Variants in NDRG4 observed in about 807,000 individuals in gnomAD.
NDRG4 encodes the protein protein NDRG4.
Under a neutral mutation model 55.8 loss-of-function variants are expected in NDRG4, and 38 were observed. That is an observed-to-expected ratio of 0.68 (90% confidence interval 0.53 to 0.89). The LOEUF is 0.89. Ranked by LOEUF, NDRG4 falls within the 40% of genes least tolerant of loss-of-function variation. The pLI is 0.00. For synonymous variants in NDRG4, 190 were observed against 182.7 expected (o/e 1.04, Z -0.32); for missense variants, 455 against 468.6 (o/e 0.97, Z 0.27).
At chr16:58,514,327 A>C (rs2039053169), downstream of NDRG4, among the ~76,000 whole-genome samples, 1 of 152,226 alleles carries the variant, frequency 6.6e-6, no homozygotes, top group Non-Finnish European at 1.5e-5. Context: ...AATTATTTAA[A>C]AGCTTAATAT....
intron 1 of NDRG4, among the ~76,000 whole-genome samples, chr16:58,479,695 G>C (rs2034158536): frequency 6.6e-6 from 1 of 152,166 alleles, no homozygotes; most frequent in Non-Finnish European, 1.5e-5. Context: ...CAGAAATGTT[G>C]AGTGTCTGCC....
At chr16:58,486,115 G>A (rs2151668765) in intron 1 of NDRG4, among the ~76,000 whole-genome samples, 1 of 152,310 alleles carries the variant, frequency 6.6e-6, no homozygotes, top group Middle Eastern at 3.4e-3. Context: ...ACCTTCGCTA[G>A]CGGTGTAAAC....
At chr16:58,468,349 G>A (rs1010259363) in intron 1 of NDRG4, among the ~76,000 whole-genome samples, 2 of 152,228 alleles carry the variant, frequency 1.3e-5, no homozygotes, top group Non-Finnish European at 2.9e-5. Flanking sequence ...GGTCTCCCCT[G>A]TGCTTCTCAG....
rs1452909903 is a variant in NDRG4 at position 58,509,143 on chromosome 16, C to T, written c.778-11C>T. The T allele has an allele frequency of 1.2e-6, 2 of 1,613,920 alleles. No homozygotes were observed. Among genetic ancestry groups the T allele is most frequent in the East Asian group, 2.2e-5 (1 of 44,888 alleles). ...GGCCCTGCTCAGGTCACCCCACTCT[C>T]TCCCTTGCAGATGGCAGACTCTGGA... On this transcript the variant is annotated splice_polypyrimidine_tract_variant and intron_variant, in intron 11 of 14. Transcript: ENST00000570248.
Position 58,502,018 on chromosome 16 carries a change from G to A in NDRG4, c.21+1749G>A, listed in dbSNP as rs1215569989. The A allele has an allele frequency of 6.6e-6, 3 of 455,870 alleles. No individual in the cohort carries two copies. The Admixed American group carries it at 7.1e-5, about 11-fold the overall frequency. The allele number at this position is 455,870 out of a possible 1,614,324, so 28.2% of individuals were successfully genotyped here. A position where few individuals can be genotyped will look rare whatever the true frequency, so the allele number is the denominator to read the frequency against. On this transcript the variant is annotated intron_variant, in intron 1 of 14. Transcript: ENST00000570248. ...AGAACTCACAGGTGGCTGTGAAAGG[G>A]CTGCCTGGTCAGGAGCTCCCTCGGG...
At position 58,504,461 on chromosome 16, in the gene NDRG4, G is replaced by C. The variant is rs1468082618; in HGVS notation, c.311+40G>C. The C allele has an allele frequency of 3.7e-6, 6 of 1,611,494 alleles. No homozygotes were observed. In the South Asian group the frequency reaches 6.6e-5, roughly 18 times the overall value. ...AGCCCCTGCGCTAGGGCCCAGGGGT[G>C]CCTACCCCAACTGCAGAGCCACCTG... On this transcript the variant is annotated intron_variant, in intron 4 of 14. Transcript: ENST00000570248.
intron 1 of NDRG4, among the ~76,000 whole-genome samples, chr16:58,469,139 T>A (rs1168754726): frequency 6.6e-6 from 1 of 152,176 alleles, no homozygotes; most frequent in Non-Finnish European, 1.5e-5. Context: ...ATTTTATAGA[T>A]GATTTTAGTG....
rs764603047 is a variant in NDRG4, at chr16:58,487,077, G to A, written c.-23-679G>A. On this transcript the variant is annotated intron_variant, in intron 1 of 15. Transcript: ENST00000258187. The stretch of plus-strand genomic sequence containing the variant: ...TCCCCTTCAGACACCAGAGGCCCTC[G>A]GCAGGGGACTTCTGTCTGCGTCTGA... 5.9e-5 allele frequency among the ~76,000 whole-genome samples: 9 copies of A among 152,016 alleles called. No homozygotes were observed. In the South Asian group the frequency reaches 6.2e-4, roughly 11 times the overall value.
downstream of NDRG4, among the ~76,000 whole-genome samples, chr16:58,514,249 A>G (rs1330870207): frequency 6.6e-6 from 1 of 152,226 alleles, no homozygotes; most frequent in Non-Finnish European, 1.5e-5. Context: ...GGAGCCTCAC[A>G]AGATTACTCC....
At position 58,464,398 on chromosome 16, in the gene NDRG4, G is replaced by A; in HGVS notation, c.-24+601G>A. On this transcript the variant is annotated intron_variant, in intron 1 of 15. Coordinates refer to the NDRG4 transcript ENST00000258187. This position sits in a 1 kb window ranked among gnomAD's most constrained non-coding sequence, Gnocchi z 4.8. ...CGGCCGAGCGCGCTGCCCCGACGCC[G>A]CCACCCAGAGCCGGGCCGCGCCGGG... The A allele has an allele frequency of 2.9e-6, 4 of 1,366,814 alleles. No individual in the cohort carries two copies. The highest frequency in any genetic ancestry group is 2.8e-6 in the Non-Finnish European group (3 of 1,063,278). 84.7% of individuals were successfully genotyped at this position (1,366,814 alleles called of 1,614,324 possible).
chr16:58,501,197 G>A (rs1472354744), intron 1 of NDRG4: 7 of 571,372 alleles, frequency 1.2e-5, no homozygotes, highest in Non-Finnish European at 1.8e-5. Context: ...CACGCACGGA[G>A]GTGACGACGT....
rs748543999 is a variant in NDRG4, at chr16:58,508,942, A to G, written c.730-20A>G. The G allele has an allele frequency of 1.9e-6, 3 of 1,612,948 alleles. No individual in the cohort carries two copies. The South Asian group carries it at 3.3e-5, about 18-fold the overall frequency. Reference sequence around the variant, plus strand: ...GGGGAGGGGCAGGGGCTGTTGCTGAAGCTGGCTCCTTGTCCTCAGGTGGAG... The same window carrying G: ...GGGGAGGGGCAGGGGCTGTTGCTGAGGCTGGCTCCTTGTCCTCAGGTGGAG... On this transcript the variant is annotated intron_variant, in intron 10 of 14. Transcript: ENST00000570248.
intron 7 of NDRG4, 88 bp from the exon 8 acceptor site, chr16:58,506,824 C>T (rs1158505447): frequency 7.4e-7 from 1 of 1,351,240 alleles, no homozygotes; most frequent in African/African-American, 1.4e-5. Flanking sequence ...GCAAGGGCCA[C>T]TCTGGCAGTG....
intron 1 of NDRG4, chr16:58,500,616 C>T: frequency 1.9e-6 from 1 of 518,972 alleles, no homozygotes; most frequent in South Asian, 2.5e-5. Context: ...CTGCATGTCC[C>T]TCTGACCGTG....
In NDRG4 at chr16:58,500,913, G is replaced by A. The variant is rs113944613; in HGVS notation, c.21+644G>A. 47 of 1,018,192 alleles carry A rather than the reference G, an allele frequency of 4.6e-5. No homozygotes were observed. In the South Asian group the frequency reaches 1.4e-3, roughly 31 times the overall value. 63.1% of individuals were successfully genotyped at this position (1,018,192 alleles called of 1,614,324 possible). The stretch of plus-strand genomic sequence containing the variant: ...AGGCAAGGAGGTCTGGGCCACACAG[G>A]AATGACAGCCTTTCAGGCAGGGGTC... On this transcript the variant is annotated intron_variant, in intron 1 of 14. Transcript: ENST00000570248.
At position 58,487,829 on chromosome 16, in the gene NDRG4, G is replaced by T. The variant is rs570056086; in HGVS notation, c.51G>T (p.Arg17=). The T allele has an allele frequency of 9.4e-5, 145 of 1,542,488 alleles. No homozygotes were observed. In the African/African-American group the frequency reaches 1.8e-3, roughly 19 times the overall value. ...TCCCTGAGGAGAAGCCGCTGCTCCG[G>T]GGCCAGGACGCCACCGAGCTGGTGA... The change falls in exon 2 of 16, where the codon CGG becomes CGT. Residue 17 remains arginine (R), a synonymous_variant. Coordinates refer to the NDRG4 transcript ENST00000258187.
intron 8 of NDRG4, 98 bp downstream of exon 8, chr16:58,507,113 T>C (rs2038143475): frequency 1.1e-6 from 1 of 928,940 alleles, no homozygotes; most frequent in Non-Finnish European, 1.7e-6. Context: ...ACCCTTGCCC[T>C]GGTTTGTAGA....
intron 13 of NDRG4, among the ~76,000 whole-genome samples, chr16:58,510,089 C>T (rs956846028): frequency 6.6e-6 from 1 of 152,184 alleles, no homozygotes; most frequent in Non-Finnish European, 1.5e-5. Context: ...AGACTTCAGC[C>T]TCTGGAGCTA....
chr16:58,472,958 T>C (rs2033084415), intron 1 of NDRG4, among the ~76,000 whole-genome samples: 1 of 152,114 alleles, frequency 6.6e-6, no homozygotes, highest in African/African-American at 2.4e-5. Flanking sequence ...TTTATCCTCA[T>C]TGTCTTCTTC....
Sources: gnomAD v4.1 joint callset for allele counts (sites outside exome capture counted in the v4.1 genomes callset) on GRCh38, gnomAD v4.1.1 for gene constraint, Gnocchi (gnomAD v3.1) non-coding constraint, MANE v1.5 for transcripts, NCBI Gene and HGNC (gene_info 2026-07-23, HGNC 2026-07-21) for gene names.